DNASE1: variants seen among roughly 807,000 people sequenced by gnomAD.
The protein encoded by DNASE1 is deoxyribonuclease 1.
In DNASE1, 40 loss-of-function variants were observed where a neutral mutation model predicts 33.9. The ratio of observed to expected loss-of-function variants is 1.18; its 90% CI spans 0.92 to 1.54. DNASE1 has a LOEUF of 1.54. Ranked by LOEUF, DNASE1 falls within the 40% of genes most tolerant of loss-of-function variation. DNASE1 has a pLI of 0.00. For synonymous variants in DNASE1, 216 were observed against 160.0 expected (o/e 1.35, Z -2.64); for missense variants, 518 against 372.6 (o/e 1.39, Z -3.21).
intron 1 of DNASE1, among the ~76,000 whole-genome samples, chr16:3,647,262 ATTTTTTTT>A (rs537295148): frequency 7.7e-6 from 1 of 130,232 alleles, no homozygotes; most frequent in Non-Finnish European, 1.6e-5. Flanking sequence ...TAATCATGGG[ATTTTTTTT>A]TTTTTTTTTT....
chr16:3,644,408 C>G (rs775436012), intron 1 of DNASE1, among the ~76,000 whole-genome samples: 2 of 152,130 alleles, frequency 1.3e-5, no homozygotes, highest in South Asian at 4.1e-4. Flanking sequence ...ACTAAAAATA[C>G]AAAAATTAGC....
rs776393611 is a variant in DNASE1, at chr16:3,663,445, TCTC to T, written c.*5498_*5500del. 319 of 1,613,136 alleles carry T rather than the reference TCTC, an allele frequency of 2.0e-4. No individual in the cohort carries two copies. The highest frequency in any genetic ancestry group is 1.5e-3 in the African/African-American group (113 of 74,682). On this transcript the variant is annotated 3_prime_UTR_variant, in exon 10 of 10. Coordinates refer to the DNASE1 transcript ENST00000407479. ...CGACCTGGGGACCTGTCCTCAAACTTCTCCTCCTTGTAGTGATCCACGACTATG... is the reference window on the plus strand; with the variant it reads ...CGACCTGGGGACCTGTCCTCAAACTTCTCCTTGTAGTGATCCACGACTATG...
At chr16:3,617,326 C>CAAA (rs56670885) in intron 1 of DNASE1, among the ~76,000 whole-genome samples, 2,839 of 57,438 alleles carry the variant, frequency 0.049, 406 homozygotes, top group Non-Finnish European at 0.069. Context: ...AACTCCATCT[C>CAAA]AAAAAAAAAA....
At chr16:3,659,912 G>A (rs534706473), downstream of DNASE1, 3 of 152,114 alleles carry the variant, frequency 2.0e-5, no homozygotes, top group Non-Finnish European at 4.4e-5. Context: ...ACCACCCCCA[G>A]CTAGTTTTTG....
intron 1 of DNASE1, among the ~76,000 whole-genome samples, chr16:3,649,585 G>A (rs2042272060): frequency 2.6e-5 from 4 of 152,186 alleles, no homozygotes; most frequent in Non-Finnish European, 4.4e-5. Flanking sequence ...AGTAAAGTAG[G>A]AAATCTAACT....
intron 1 of DNASE1, among the ~76,000 whole-genome samples, chr16:3,629,286 GT>G (rs1258969642): frequency 6.6e-6 from 1 of 151,570 alleles, no homozygotes; most frequent in African/African-American, 2.4e-5. Flanking sequence ...TTTGTTGAAT[GT>G]TTTCATTTTG....
chr16:3,663,074 T>G, downstream of DNASE1: 1 of 849,374 alleles, frequency 1.2e-6, no homozygotes, highest in Non-Finnish European at 1.8e-6. Context: ...CCCACCAGGA[T>G]GGAGACACAA....
At chr16:3,663,034 C>T (rs1017014978), downstream of DNASE1, 35 of 1,288,288 alleles carry the variant, frequency 2.7e-5, no homozygotes, top group South Asian at 5.3e-5. Flanking sequence ...ATGGGGGCCA[C>T]GCAGCATGCT....
rs116552555 is a variant in DNASE1, at chr16:3,649,570, T to C, written c.-85-5391T>C. 7.8e-3 allele frequency among the ~76,000 whole-genome samples: 1,192 copies of C among 152,364 alleles called. 20 individuals are homozygous for C. Among genetic ancestry groups the C allele is most frequent in the African/African-American group, 0.026 (1,099 of 41,596 alleles). On this transcript the variant is annotated intron_variant, in intron 1 of 9. Transcript: ENST00000407479. ...ATGATGAAGGATAGAAAAGAAGTTA[T>C]ATTCAGTAAAGTAGGAAATCTAACT... is the stretch of plus-strand genomic sequence containing the variant.
downstream of DNASE1, chr16:3,658,212 T>A (rs1221871910): frequency 6.2e-7 from 1 of 1,613,636 alleles, no homozygotes; most frequent in East Asian, 2.2e-5. Flanking sequence ...CCAGCAGCAA[T>A]CATGGCGTTC....
chr16:3,614,299 T>C (rs2151149771), intron 1 of DNASE1, among the ~76,000 whole-genome samples: 1 of 151,732 alleles, frequency 6.6e-6, no homozygotes, highest in South Asian at 2.1e-4. Flanking sequence ...GCGATCTTCC[T>C]GCCTGGACCT....
upstream of DNASE1, chr16:3,641,077 C>T: frequency 2.5e-6 from 1 of 397,766 alleles, no homozygotes; most frequent in Non-Finnish European, 4.4e-6. Flanking sequence ...TGTTGCTGCT[C>T]CTGCGTGAGG....
At chr16:3,634,885 A>C (rs143727867) in intron 1 of DNASE1, among the ~76,000 whole-genome samples, 3 of 152,242 alleles carry the variant, frequency 2.0e-5, no homozygotes, top group Non-Finnish European at 2.9e-5. Context: ...GGCTATTCAC[A>C]AGTGCAATCC....
In DNASE1 at chr16:3,612,616, C is replaced by T. The variant is rs536125966; in HGVS notation, c.-1359+610C>T. ...CGGGGGGGGGAGTCTCACTATGTTG[C>T]CCAGGCTGGTCTCGAGCCCTGGCCG... On this transcript the variant is annotated intron_variant and NMD_transcript_variant, in intron 1 of 11. Transcript: ENST00000570769. Among the ~76,000 whole-genome samples, 95 of 144,538 alleles carry T rather than the reference C, an allele frequency of 6.6e-4. 2 individuals are homozygous for T. The South Asian group carries it at 0.019, about 29-fold the overall frequency. The allele number at this position is 144,538 out of a possible 152,430, so 94.8% of individuals were successfully genotyped here. A position where few individuals can be genotyped will look rare whatever the true frequency, so the allele number is the denominator to read the frequency against.
At chr16:3,617,490 T>C (rs768418578) in intron 1 of DNASE1, among the ~76,000 whole-genome samples, 5 of 152,172 alleles carry the variant, frequency 3.3e-5, no homozygotes, top group Non-Finnish European at 7.4e-5. Flanking sequence ...AAGTATACTA[T>C]CAAGAAAATG....
intron 1 of DNASE1, among the ~76,000 whole-genome samples, chr16:3,624,747 C>G (rs1204655430): frequency 6.6e-6 from 1 of 152,188 alleles, no homozygotes; most frequent in African/African-American, 2.4e-5. Flanking sequence ...GTAGTGGGAA[C>G]TTGGGTCACT....
At chr16:3,626,834 C>A (rs1400064210) in intron 1 of DNASE1, among the ~76,000 whole-genome samples, 1 of 152,076 alleles carries the variant, frequency 6.6e-6, no homozygotes, top group Non-Finnish European at 1.5e-5. Context: ...GATGAATTGA[C>A]CTTTTTTATC....
chr16:3,627,529 A>C (rs2041553202), intron 1 of DNASE1, among the ~76,000 whole-genome samples: 1 of 152,106 alleles, frequency 6.6e-6, no homozygotes, highest in Non-Finnish European at 1.5e-5. Context: ...CTTCCACCTC[A>C]GTCTCCCAAA....
At position 3,654,892 on chromosome 16, in the gene DNASE1, C is replaced by A. The variant is rs1331002137; in HGVS notation, c.-154C>A. ...CTGTGCAGGATCCGGAGCCCAGCAG[C>A]ACTGCCAGGGCCTTGAAGTGCTTCT... is the stretch of plus-strand genomic sequence containing the variant. On this transcript the variant is annotated 5_prime_UTR_variant, in exon 1 of 9. Coordinates refer to ENST00000246949, the MANE Select transcript of DNASE1 (RefSeq NM_005223.4). The A allele has an allele frequency of 4.6e-6, 2 of 434,330 alleles. No homozygotes were observed. Among genetic ancestry groups the A allele is most frequent in the East Asian group, 3.4e-5 (1 of 29,584 alleles). 26.9% of individuals were successfully genotyped at this position (434,330 alleles called of 1,614,324 possible).
Sources: gnomAD v4.1 joint callset for allele counts (sites outside exome capture counted in the v4.1 genomes callset) on GRCh38, gnomAD v4.1.1 for gene constraint, MANE v1.5 for transcripts, NCBI Gene and HGNC (gene_info 2026-07-23, HGNC 2026-07-21) for gene names.